Variants in EIPR1 observed in about 807,000 individuals in gnomAD.
EIPR1 encodes the protein EARP and GARP complex-interacting protein 1.
EIPR1 carries 25 observed loss-of-function variants against 48.1 expected under a neutral mutation model. The observed-to-expected ratio is 0.52, with a 90% CI of 0.38 to 0.73. EIPR1 has a LOEUF of 0.73. Ranked by LOEUF, EIPR1 falls within the 30% of genes least tolerant of loss-of-function variation. The pLI, the probability that EIPR1 is intolerant of heterozygous loss-of-function variation, is 0.00. For missense variants in EIPR1, 415 were observed against 506.2 expected, an observed-to-expected ratio of 0.82 and a Z score of 1.73; for synonymous variants, 204 against 201.9, an observed-to-expected ratio of 1.01 and a Z score of -0.09.
chr2:3,296,785 T>C (rs533161548), intron 3 of EIPR1, among the ~76,000 whole-genome samples: 8 of 152,086 alleles, frequency 5.3e-5, no homozygotes, highest in African/African-American at 1.9e-4. Flanking sequence ...GTTCCCTCTC[T>C]GCACACACAC....
chr2:3,297,662 C>G (rs368707646), intron 3 of EIPR1, among the ~76,000 whole-genome samples: 1 of 152,208 alleles, frequency 6.6e-6, no homozygotes, highest in East Asian at 1.9e-4. Context: ...ATCGCAGTTA[C>G]TCTGTAGAGC....
At chr2:3,281,612 C>A (rs576369145) in intron 3 of EIPR1, among the ~76,000 whole-genome samples, 2 of 152,260 alleles carry the variant, frequency 1.3e-5, no homozygotes, top group African/African-American at 4.8e-5. Flanking sequence ...TATACAGGAA[C>A]GCGTGCCTGG....
intron 4 of EIPR1, among the ~76,000 whole-genome samples, chr2:3,218,369 G>A (rs1313621717): frequency 6.7e-6 from 1 of 149,890 alleles, no homozygotes; most frequent in Non-Finnish European, 1.5e-5. Flanking sequence ...CTTTCACAGT[G>A]AGTCAGGTGC....
intron 6 of EIPR1, among the ~76,000 whole-genome samples, chr2:3,195,561 C>T (rs1232732552): frequency 6.6e-6 from 1 of 152,096 alleles, no homozygotes; most frequent in Non-Finnish European, 1.5e-5. Flanking sequence ...AATATAATAC[C>T]TAAACTTTTA....
chr2:3,213,567 G>A (rs772859632), intron 5 of EIPR1, among the ~76,000 whole-genome samples: 3 of 152,094 alleles, frequency 2.0e-5, no homozygotes, highest in Non-Finnish European at 2.9e-5. Flanking sequence ...GAATCCATTC[G>A]TCAAAAGGAC....
At chr2:3,363,232 C>G (rs182441086) in intron 1 of EIPR1, among the ~76,000 whole-genome samples, 33 of 152,122 alleles carry the variant, frequency 2.2e-4, no homozygotes, top group Admixed American at 1.6e-3. Context: ...AGGTGCCAAA[C>G]AAAGGCACTA....
intron 3 of EIPR1, among the ~76,000 whole-genome samples, chr2:3,335,358 C>A (rs1317866373): frequency 6.6e-6 from 1 of 152,018 alleles, no homozygotes; most frequent in Non-Finnish European, 1.5e-5. Flanking sequence ...TTTTGAGGAG[C>A]CACAGAAAAA....
chr2:3,285,066 G>C (rs934760518), intron 3 of EIPR1, among the ~76,000 whole-genome samples: 4 of 152,200 alleles, frequency 2.6e-5, no homozygotes, highest in Non-Finnish European at 4.4e-5. Flanking sequence ...GGACACGTCA[G>C]ACCACCATGG....
Position 3,242,243 on chromosome 2 carries a change from C to CACA in EIPR1, c.416+15055_416+15056insTGT, listed in dbSNP as rs1237149265. Among the ~76,000 whole-genome samples, 30 of 143,178 alleles carry CACA rather than the reference C, an allele frequency of 2.1e-4. 1 individual carries two copies. Among genetic ancestry groups the CACA allele is most frequent in the Non-Finnish European group, 3.2e-4 (20 of 63,332 alleles). 93.9% of individuals were successfully genotyped at this position (143,178 alleles called of 152,430 possible). On this transcript the variant is annotated intron_variant, in intron 4 of 8. Coordinates refer to ENST00000382125, the MANE Select transcript of EIPR1 (RefSeq NM_003310.5). ...CAGGCCCCCGACTCCACACCATGGG[C>CACA]CCGGCAGCAGCCACTGACGGCTGGA...
At chr2:3,224,774 C>T (rs983167868) in intron 4 of EIPR1, among the ~76,000 whole-genome samples, 3 of 152,228 alleles carry the variant, frequency 2.0e-5, no homozygotes, top group Admixed American at 6.5e-5. Flanking sequence ...ATCGGGCTCA[C>T]CTGAGTCCCT....
Position 3,328,641 on chromosome 2 carries a change from C to T in EIPR1, c.259+9376G>A, listed in dbSNP as rs1015656148. 1.3e-5 allele frequency among the ~76,000 whole-genome samples: 2 copies of T among 149,112 alleles called. 1 individual carries two copies. Among genetic ancestry groups the T allele is most frequent in the African/African-American group, 5.0e-5 (2 of 40,066 alleles). ...CAGCTGGGCTCCCCTGGATCAGAGC[C>T]CACCCACCACGCTCTAATGATCTCA... is the stretch of plus-strand genomic sequence containing the variant. On this transcript the variant is annotated intron_variant, in intron 3 of 8. Coordinates refer to ENST00000382125, the MANE Select transcript of EIPR1 (RefSeq NM_003310.5).
At chr2:3,310,816 T>G (rs1669108345) in intron 3 of EIPR1, among the ~76,000 whole-genome samples, 1 of 152,136 alleles carries the variant, frequency 6.6e-6, no homozygotes, top group Non-Finnish European at 1.5e-5. Context: ...TTAAAATTAT[T>G]TTATATACTA....
intron 7 of EIPR1, among the ~76,000 whole-genome samples, 153 bp from the exon 8 acceptor site, chr2:3,192,734 G>C (rs1664652736): frequency 6.6e-6 from 1 of 152,210 alleles, no homozygotes; most frequent in African/African-American, 2.4e-5. Flanking sequence ...ACATAAGGCA[G>C]TTTTCCGCTG....
chr2:3,199,072 G>GC lies in EIPR1; in HGVS notation c.517-2056dup, dbSNP rs986945204. Among the ~76,000 whole-genome samples the GC allele has an allele frequency of 8.2e-4, 20 of 24,412 alleles. 2 individuals are homozygous for GC. Among genetic ancestry groups the GC allele is most frequent in the African/African-American group, 2.1e-3 (18 of 8,486 alleles). The allele number at this position is 24,412 out of a possible 152,430, so 16.0% of individuals were successfully genotyped here. A position where few individuals can be genotyped will look rare whatever the true frequency, so the allele number is the denominator to read the frequency against. ...GGCCATTTTAGAGGGCCCCCCCCCC[G>GC]CCCCGGGAATGCATTCTTTTCCCGG... On this transcript the variant is annotated intron_variant, in intron 5 of 8. Coordinates refer to ENST00000382125, the MANE Select transcript of EIPR1 (RefSeq NM_003310.5).
intron 1 of EIPR1, among the ~76,000 whole-genome samples, chr2:3,362,054 G>A (rs149398262): frequency 6.6e-6 from 1 of 152,188 alleles, no homozygotes; most frequent in Non-Finnish European, 1.5e-5. Flanking sequence ...TGGTGCCCAG[G>A]CACATCCTAA....
chr2:3,257,059 C>T (rs1041468565), intron 4 of EIPR1, among the ~76,000 whole-genome samples: 7 of 152,224 alleles, frequency 4.6e-5, no homozygotes, highest in African/African-American at 1.7e-4. Context: ...CCACGGGCAA[C>T]ACTCCTCTTA....
chr2:3,350,440 G>C (rs1256393704), intron 2 of EIPR1, among the ~76,000 whole-genome samples: 2 of 152,110 alleles, frequency 1.3e-5, no homozygotes, highest in South Asian at 4.2e-4. Context: ...CAAAACTGGG[G>C]ATTACAATTT....
At chr2:3,250,017 A>G (rs1666955817) in intron 4 of EIPR1, among the ~76,000 whole-genome samples, 1 of 152,234 alleles carries the variant, frequency 6.6e-6, no homozygotes. Flanking sequence ...GGGTGGAGCC[A>G]CTGCAGAGAG....
intron 4 of EIPR1, among the ~76,000 whole-genome samples, chr2:3,242,316 G>C (rs1192049841): frequency 2.7e-4 from 4 of 14,738 alleles, no homozygotes; most frequent in African/African-American, 4.5e-4. Flanking sequence ...CCTGGCAGCA[G>C]CCACCGATGG....
Sources: allele counts gnomAD v4.1 joint callset (sites outside exome capture counted in the v4.1 genomes callset), GRCh38; gene constraint gnomAD v4.1.1; transcripts MANE v1.5; gene names NCBI Gene and HGNC (gene_info 2026-07-23, HGNC 2026-07-21).